The following PIP4K2C variants were observed in gnomAD, a reference collection of about 807,000 sequenced individuals.
PIP4K2C encodes the protein phosphatidylinositol-5-phosphate 4-kinase type 2 gamma.
Under a neutral mutation model 45.0 loss-of-function variants are expected in PIP4K2C, and 21 were observed. The ratio of observed to expected loss-of-function variants is 0.47; its 90% CI spans 0.33 to 0.67. PIP4K2C has a LOEUF of 0.67. Among genes scored for constraint, PIP4K2C ranks in the 30% least tolerant of loss-of-function variants. PIP4K2C has a pLI of 0.02. For missense variants in PIP4K2C, 456 were observed against 542.8 expected, an observed-to-expected ratio of 0.84 and a Z score of 1.59; for synonymous variants, 201 against 204.8, an observed-to-expected ratio of 0.98 and a Z score of 0.16.
intron 6 of PIP4K2C, 142 bp from the exon 7 acceptor site, chr12:57,600,182 G>A: frequency 2.0e-6 from 1 of 509,234 alleles, no homozygotes; most frequent in Non-Finnish European, 3.5e-6. Context: ...AGTCACTGGA[G>A]GTGAGAACAG....
intron 1 of PIP4K2C, among the ~76,000 whole-genome samples, chr12:57,593,684 T>G (rs1317129686): frequency 1.6e-4 from 13 of 80,400 alleles, no homozygotes; most frequent in African/African-American, 5.2e-4. Context: ...AGTTTTTTTT[T>G]TTTTTTTTTT....
Position 57,595,878 on chromosome 12 carries a change from G to A in PIP4K2C, c.370-10G>A. ...GAGGAAAAGAGCTCTGGCCTATTCTGTGTCCCCAGGTGTCCCTTACCCGAA... is the reference window on the plus strand; with the variant it reads ...GAGGAAAAGAGCTCTGGCCTATTCTATGTCCCCAGGTGTCCCTTACCCGAA... On this transcript the variant is annotated splice_polypyrimidine_tract_variant and intron_variant, in intron 3 of 9. Transcript: ENST00000354947. 1 of 1,613,724 alleles carries A rather than the reference G, an allele frequency of 6.2e-7. No homozygotes were observed.
At position 57,591,317 on chromosome 12, in the gene PIP4K2C, A is replaced by G; in HGVS notation, c.28A>G (p.Thr10Ala). 5 of 1,612,796 alleles carry G rather than the reference A, an allele frequency of 3.1e-6. No individual in the cohort carries two copies. In the South Asian group the frequency reaches 5.5e-5, roughly 18 times the overall value. Residue 10 changes from threonine (T) to alanine (A), a missense_variant, in exon 1 of 10, where the codon ACG becomes GCG. Around this residue, in one of 2 missense-constraint regions of PIP4K2C, gnomAD observed 421 missense variants for 473.1 expected, o/e 0.89. Coordinates refer to ENST00000354947, the MANE Select transcript of PIP4K2C (RefSeq NM_024779.5). Reference protein sequence around the residue: MASSSVPPATVSAATAGPGP... With the variant: MASSSVPPAAVSAATAGPGP... ...GGCGTCCTCCTCGGTCCCACCAGCC[A>G]CGGTATCGGCGGCGACAGCAGGCCC... is the stretch of plus-strand genomic sequence containing the variant.
At chr12:57,594,933 G>A (rs1883122392) in intron 2 of PIP4K2C, among the ~76,000 whole-genome samples, 193 bp from the exon 3 acceptor site, 1 of 151,958 alleles carries the variant, frequency 6.6e-6, no homozygotes, top group Non-Finnish European at 1.5e-5. Context: ...TTGCACCACT[G>A]CAGTCCAACC....
intron 2 of PIP4K2C, 79 bp from the exon 3 acceptor site, chr12:57,595,047 C>A: frequency 1.1e-6 from 1 of 889,680 alleles, no homozygotes; most frequent in Non-Finnish European, 1.9e-6. Flanking sequence ...GGTAATATGT[C>A]TGAAGGTACT....
At position 57,599,457 on chromosome 12, in the gene PIP4K2C, G is replaced by T. The variant is rs763503057; in HGVS notation, c.699+19G>T. On this transcript the variant is annotated intron_variant, in intron 6 of 9. Transcript: ENST00000354947. ...GGAAAAGGTGATAGTAATTTTATGT[G>T]CTAGGGTGAGGGATGAGGGATGAGG... The T allele has an allele frequency of 1.2e-6, 2 of 1,614,030 alleles. No individual in the cohort carries two copies. Among genetic ancestry groups the T allele is most frequent in the Non-Finnish European group, 1.7e-6 (2 of 1,179,934 alleles).
At chr12:57,592,393 C>T (rs879514210) in intron 1 of PIP4K2C, among the ~76,000 whole-genome samples, 4 of 152,216 alleles carry the variant, frequency 2.6e-5, no homozygotes, top group Non-Finnish European at 5.9e-5. Flanking sequence ...TGAATATAGT[C>T]ATGGCTAGGC....
At position 57,601,282 on chromosome 12, in the gene PIP4K2C, T is replaced by C. The variant is rs376666578; in HGVS notation, c.1119T>C (p.Ile373=). 1.4e-5 allele frequency: 22 copies of C among 1,613,730 alleles called. No individual in the cohort carries two copies. Among genetic ancestry groups the C allele is most frequent in the Non-Finnish European group, 1.7e-5 (20 of 1,179,758 alleles). ...PQKEVYFMGL[I]DILTQYDAKK... Reference sequence around the variant, plus strand: ...AGGAGGTCTACTTCATGGGCCTCATTGATATCCTTACACAGTATGATGCTA... The same window carrying C: ...AGGAGGTCTACTTCATGGGCCTCATCGATATCCTTACACAGTATGATGCTA... The change falls in exon 9 of 10, where the codon ATT becomes ATC. Residue 373 remains isoleucine (I), a synonymous_variant. Coordinates refer to ENST00000354947, the MANE Select transcript of PIP4K2C (RefSeq NM_024779.5).
At chr12:57,595,756 G>C in intron 3 of PIP4K2C, 132 bp from the exon 4 acceptor site, 1 of 942,424 alleles carries the variant, frequency 1.1e-6, no homozygotes, top group East Asian at 2.4e-5. Flanking sequence ...TCCACATATG[G>C]ACACCTGATG....
chr12:57,601,215 C>G, intron 8 of PIP4K2C, 30 bp from the exon 9 acceptor site: 1 of 1,600,208 alleles, frequency 6.2e-7, no homozygotes, highest in Non-Finnish European at 8.5e-7. Flanking sequence ...TGGAACTAAA[C>G]CTACTCTGAA....
rs1202839402 is a variant in PIP4K2C, at chr12:57,602,894, AT to A, written c.*1289del. 6.6e-6 allele frequency: 1 copy of A among 152,092 alleles called. No homozygotes were observed. The highest frequency in any genetic ancestry group is 2.4e-5 in the African/African-American group (1 of 41,224). The allele number at this position is 152,092 out of a possible 1,614,324, so 9.4% of individuals were successfully genotyped here. On this transcript the variant is annotated 3_prime_UTR_variant, in exon 10 of 10. Coordinates refer to ENST00000354947, the MANE Select transcript of PIP4K2C (RefSeq NM_024779.5). The stretch of plus-strand genomic sequence containing the variant: ...GATACATTGTCTTCCTCTCCCTACA[AT>A]GCCTCTGGGGCCAAGGCACCCATTC...
At chr12:57,596,194 A>G (rs1023198730) in intron 4 of PIP4K2C, among the ~76,000 whole-genome samples, 163 bp downstream of exon 4, 5 of 152,144 alleles carry the variant, frequency 3.3e-5, no homozygotes, top group South Asian at 2.1e-4. Flanking sequence ...TCTGTCTGAT[A>G]AGATTTACAG....
intron 6 of PIP4K2C, among the ~76,000 whole-genome samples, chr12:57,599,937 G>A (rs532644098): frequency 6.6e-6 from 1 of 152,206 alleles, no homozygotes; most frequent in South Asian, 2.1e-4. Flanking sequence ...CCAGCTACTT[G>A]GGAGGCTGAG....
chr12:57,592,252 C>T (rs1468070849), intron 1 of PIP4K2C, among the ~76,000 whole-genome samples: 1 of 152,104 alleles, frequency 6.6e-6, no homozygotes, highest in African/African-American at 2.4e-5. Flanking sequence ...GCCAAGGAGA[C>T]CTCCATCCCC....
At chr12:57,600,688 C>T in intron 7 of PIP4K2C, 123 bp from the exon 8 acceptor site, 1 of 1,284,946 alleles carries the variant, frequency 7.8e-7, no homozygotes, top group Non-Finnish European at 1.1e-6. Context: ...GTATGCCCTG[C>T]AACCTCAATT....
chr12:57,594,653 A>C (rs1438224749), intron 2 of PIP4K2C, among the ~76,000 whole-genome samples: 2 of 152,158 alleles, frequency 1.3e-5, no homozygotes, highest in Non-Finnish European at 2.9e-5. Flanking sequence ...TCTTCTATAA[A>C]ATGGAAATAA....
intron 5 of PIP4K2C, 61 bp downstream of exon 5, chr12:57,599,272 C>T: frequency 6.2e-7 from 1 of 1,607,270 alleles, no homozygotes; most frequent in East Asian, 2.2e-5. Context: ...ATGGGGAAGA[C>T]CCTGGGAGGT....
chr12:57,596,385 T>A (rs1437279993), intron 4 of PIP4K2C, among the ~76,000 whole-genome samples: 1 of 150,876 alleles, frequency 6.6e-6, no homozygotes, highest in Non-Finnish European at 1.5e-5. Flanking sequence ...CTCAGGAGGC[T>A]AACGCAGGAG....
rs1287700303 is a variant in PIP4K2C at position 57,599,217 on chromosome 12, A to C, written c.660+6A>C. On this transcript the variant is annotated splice_donor_region_variant and intron_variant, in intron 5 of 9. Transcript: ENST00000354947. The stretch of plus-strand genomic sequence containing the variant: ...ACAGGAAGTATGACCTCAAGGTAAG[A>C]AGAGGGTAGCTCGGACTTAGAGGGA... 1.2e-6 allele frequency: 2 copies of C among 1,614,044 alleles called. No homozygotes were observed. The highest frequency in any genetic ancestry group is 4.5e-5 in the East Asian group (2 of 44,878).
Sources: gnomAD v4.1 joint callset for allele counts (sites outside exome capture counted in the v4.1 genomes callset) on GRCh38, gnomAD v4.1.1 for gene constraint, gnomAD v4.1.1 regional missense constraint, MANE v1.5 for transcripts, NCBI Gene and HGNC (gene_info 2026-07-23, HGNC 2026-07-21) for gene names.